Variants in KIF26A observed in about 807,000 individuals in gnomAD.
KIF26A encodes kinesin-like protein KIF26A.
KIF26A carries 74 observed loss-of-function variants against 126.0 expected under a neutral mutation model. The observed-to-expected ratio is 0.59, with a 90% CI of 0.49 to 0.71. The LOEUF (loss-of-function observed/expected upper bound fraction) is 0.71, where lower values mean the gene tolerates loss of function less well. KIF26A is among the 30% of genes least tolerant of loss of function. KIF26A has a pLI of 0.00. For synonymous variants in KIF26A, 1,445 were observed against 1,232.7 expected, an observed-to-expected ratio of 1.17 and a Z score of -3.61; for missense variants, 2,984 against 2,763.3, an observed-to-expected ratio of 1.08 and a Z score of -1.79.
rs866247449 is a variant in KIF26A, at chr14:104,165,458, C to T, written c.924-1401C>T. 3.2e-4 allele frequency among the ~76,000 whole-genome samples: 44 copies of T among 137,498 alleles called. 1 individual carries two copies. The highest frequency in any genetic ancestry group is 1.6e-3 in the South Asian group (7 of 4,330). The allele number at this position is 137,498 out of a possible 152,430, so 90.2% of individuals were successfully genotyped here. A position where few individuals can be genotyped will look rare whatever the true frequency, so the allele number is the denominator to read the frequency against. On this transcript the variant is annotated intron_variant, in intron 4 of 14. Transcript: ENST00000423312. ...CTGTCTCTGTGTGTGTTTCTGTATG[C>T]GTGTGTGTGTGGGCCTCTGTGTATG... is the stretch of plus-strand genomic sequence containing the variant.
chr14:104,139,231 G>C lies in KIF26A; in HGVS notation c.231G>C (p.Leu77=). 5 of 1,558,654 alleles carry C rather than the reference G, an allele frequency of 3.2e-6. No individual in the cohort carries two copies. The highest frequency in any genetic ancestry group is 4.3e-6 in the Non-Finnish European group (5 of 1,153,582). The change falls in exon 2 of 15, where the codon CTG becomes CTC. Residue 77 remains leucine, a synonymous_variant. Transcript: ENST00000423312. ...GGTGCCGCCACTGCCACACGAAGCT[G>C]GTGGAGCTCAAGCGACAGGCGTGGA... ...GGWCRHCHTK[L]VELKRQAWKL... is the part of the protein sequence containing the mutation.
At chr14:104,156,977 G>A (rs1007215725) in intron 3 of KIF26A, among the ~76,000 whole-genome samples, 3 of 152,128 alleles carry the variant, frequency 2.0e-5, no homozygotes, top group Non-Finnish European at 4.4e-5. Context: ...TGGGGCACTG[G>A]GCCCTTGGGG....
chr14:104,149,568 C>G (rs764654715), intron 2 of KIF26A, among the ~76,000 whole-genome samples: 3 of 151,952 alleles, frequency 2.0e-5, no homozygotes, highest in Non-Finnish European at 4.4e-5. Flanking sequence ...TGGGGCCTCC[C>G]TGGCAGCTGC....
rs769928735 is a variant in KIF26A at position 104,173,492 on chromosome 14, G to A, written c.1846G>A (p.Glu616Lys). ...FTLHVYQYRM[E>K]KCGRGGMSGG... ...GCTGCACGTCTACCAGTACCGCATGGAGAAGTGCGGCCGGGGAGGAAGTAG... is the reference window on the plus strand; with the variant it reads ...GCTGCACGTCTACCAGTACCGCATGAAGAAGTGCGGCCGGGGAGGAAGTAG... Residue 616 changes from glutamate to lysine, a missense_variant, in exon 9 of 15, where the codon GAG (glutamate) becomes AAG (lysine). By Grantham distance (56) the Glu-to-Lys change is moderately conservative (BLOSUM62 1). Coordinates refer to ENST00000423312, the MANE Select transcript of KIF26A (RefSeq NM_015656.2). The A allele has an allele frequency of 6.4e-7, 1 of 1,570,594 alleles. No individual in the cohort carries two copies. Among genetic ancestry groups the A allele is most frequent in the Non-Finnish European group, 8.7e-7 (1 of 1,154,296 alleles).
At chr14:104,143,160 G>A (rs2037651821) in intron 2 of KIF26A, among the ~76,000 whole-genome samples, 1 of 152,242 alleles carries the variant, frequency 6.6e-6, no homozygotes, top group African/African-American at 2.4e-5. Context: ...TGCATCTCTT[G>A]CTTATCCAGG....
Position 104,180,562 on chromosome 14 carries a change from C to T in KIF26A, c.*772C>T, listed in dbSNP as rs1191979703. On this transcript the variant is annotated 3_prime_UTR_variant, in exon 15 of 15. Coordinates refer to ENST00000423312, the MANE Select transcript of KIF26A (RefSeq NM_015656.2). ...GTTCATATTTTTATATCATTTTGCC[C>T]ATAAATGCGGAATTTGCCGTGGGAA... The T allele has an allele frequency of 1.3e-5, 2 of 152,690 alleles. No homozygotes were observed. Among genetic ancestry groups the T allele is most frequent in the East Asian group, 1.9e-4 (1 of 5,192 alleles). The allele number at this position is 152,690 out of a possible 1,614,324, so 9.5% of individuals were successfully genotyped here.
In KIF26A at chr14:104,161,802, C is replaced by T. The variant is rs116255172; in HGVS notation, c.923+3860C>T. On this transcript the variant is annotated intron_variant, in intron 4 of 14. Transcript: ENST00000423312. ...ATCTCAGGGCATCAGGGCAGGCTTC[C>T]TGGAGGAGGTGTCCTGTGAGGATGG... 8.2e-3 allele frequency among the ~76,000 whole-genome samples: 1,248 copies of T among 152,338 alleles called. 13 individuals are homozygous for T. Among genetic ancestry groups the T allele is most frequent in the African/African-American group, 0.027 (1,114 of 41,584 alleles).
At position 104,173,072 on chromosome 14, in the gene KIF26A, C is replaced by G. The variant is rs747086678; in HGVS notation, c.1516C>G (p.Arg506Gly). 3 of 1,605,236 alleles carry G rather than the reference C, an allele frequency of 1.9e-6. No individual in the cohort carries two copies. The highest frequency in any genetic ancestry group is 1.7e-6 in the Non-Finnish European group (2 of 1,176,808). Residue 506 changes from arginine (R) to glycine (G), a missense_variant, in exon 8 of 15, where the codon CGC becomes GGC. Transcript: ENST00000423312. ...CTGGCTCTTCAGGCTCATCGAGGAGCGCAGGGAGAGGACGGGCACCCGCTT... is the reference window on the plus strand; with the variant it reads ...CTGGCTCTTCAGGCTCATCGAGGAGGGCAGGGAGAGGACGGGCACCCGCTT... ...ISWLFRLIEE[R>G]RERTGTRFSV...
In KIF26A at chr14:104,179,611, G is replaced by C; in HGVS notation, c.5470G>C (p.Glu1824Gln). Residue 1824 changes from glutamate (E) to glutamine (Q), a missense_variant and splice_region_variant, in exon 15 of 15, where the codon GAG (glutamate) becomes CAG (glutamine). Physicochemically the swap from Glu to Gln is conservative, Grantham distance 29. Coordinates refer to ENST00000423312, the MANE Select transcript of KIF26A (RefSeq NM_015656.2). ...LEPGRWLEQF[E>Q]VDPELEPESA... ...CTCCCCTCTCCTCCCCTCCCCAGTT[G>C]AGGTGGACCCGGAGCTGGAGCCCGA... 6.6e-7 allele frequency: 1 copy of C among 1,524,550 alleles called. No homozygotes were observed. The highest frequency in any genetic ancestry group is 1.3e-5 in the South Asian group (1 of 79,564). 94.4% of individuals were successfully genotyped at this position (1,524,550 alleles called of 1,614,324 possible). A position where few individuals can be genotyped will look rare whatever the true frequency, so the allele number is the denominator to read the frequency against.
rs1419100082 is a variant in KIF26A, at chr14:104,152,258, G to C, written c.532G>C (p.Gly178Arg). The C allele has an allele frequency of 2.5e-6, 4 of 1,594,364 alleles. No homozygotes were observed. Among genetic ancestry groups the C allele is most frequent in the Non-Finnish European group, 3.4e-6 (4 of 1,172,766 alleles). Residue 178 changes from glycine (G) to arginine (R), a missense_variant, in exon 3 of 15, where the codon GGT (glycine) becomes CGT (arginine). Coordinates refer to ENST00000423312, the MANE Select transcript of KIF26A (RefSeq NM_015656.2). This position sits in a 1 kb window ranked among gnomAD's most constrained non-coding sequence, Gnocchi z 5.9. The part of the protein sequence containing the change: ...TSSRDTPGPA[G>R]PAGRQPGRAG... ...CTCGAGGGACACGCCAGGACCAGCG[G>C]GTCCTGCAGGGAGGCAGCCAGGACG...
Position 104,177,933 on chromosome 14 carries a change from C to T in KIF26A, c.5110+35C>T, listed in dbSNP as rs115516290. 8.0e-4 allele frequency: 1,173 copies of T among 1,464,152 alleles called. 7 individuals carry two copies. The African/African-American group carries it at 0.012, about 16-fold the overall frequency. 90.7% of individuals were successfully genotyped at this position (1,464,152 alleles called of 1,614,324 possible). A position where few individuals can be genotyped will look rare whatever the true frequency, so the allele number is the denominator to read the frequency against. On this transcript the variant is annotated intron_variant, in intron 12 of 14. Transcript: ENST00000423312. ...GAGGTGCACAGCCCTCTACAGTTTACGGGCTTTCTGTGTGTAGATGTGCAC... is the reference window on the plus strand; with the variant it reads ...GAGGTGCACAGCCCTCTACAGTTTATGGGCTTTCTGTGTGTAGATGTGCAC...
chr14:104,168,844 C>T (rs1178158089), intron 5 of KIF26A, among the ~76,000 whole-genome samples: 1 of 152,084 alleles, frequency 6.6e-6, no homozygotes, highest in Non-Finnish European at 1.5e-5. Context: ...GGGCAAGGCC[C>T]CTGCCTGGGG....
In KIF26A at chr14:104,175,858, G is replaced by T. The variant is rs1460943165; in HGVS notation, c.3070G>T (p.Val1024Leu). The stretch of plus-strand genomic sequence containing the variant: ...CACCACAGTGACCCTGCAGCGGCCA[G>T]TGGAGCTCAACGGCGAGGACGAGCT... The part of the protein sequence containing the change: ...LTTTVTLQRP[V>L]ELNGEDELVF... Residue 1024 changes from valine to leucine, a missense_variant, in exon 12 of 15, where the codon GTG (valine) becomes TTG (leucine). By Grantham distance (32) the Val-to-Leu change is conservative. Transcript: ENST00000423312. 1 of 1,539,674 alleles carries T rather than the reference G, an allele frequency of 6.5e-7. No individual in the cohort carries two copies. The highest frequency in any genetic ancestry group is 8.7e-7 in the Non-Finnish European group (1 of 1,147,670).
In KIF26A at chr14:104,166,839, C is replaced by A. The variant is rs754795976; in HGVS notation, c.924-20C>A. Reference sequence around the variant, plus strand: ...CTGCTGTCACCCACCACTGATCCTGCCTCTGCCTCTCCTCCCCAGGGCTAT... The same window carrying A: ...CTGCTGTCACCCACCACTGATCCTGACTCTGCCTCTCCTCCCCAGGGCTAT... On this transcript the variant is annotated intron_variant, in intron 4 of 14. Coordinates refer to ENST00000423312, the MANE Select transcript of KIF26A (RefSeq NM_015656.2). 14 of 1,538,198 alleles carry A rather than the reference C, an allele frequency of 9.1e-6. No individual in the cohort carries two copies. The South Asian group carries it at 1.7e-4, about 19-fold the overall frequency.
Position 104,177,678 on chromosome 14 carries a change from C to A in KIF26A, c.4890C>A (p.Gly1630=). 1 of 1,529,660 alleles carries A rather than the reference C, an allele frequency of 6.5e-7. No homozygotes were observed. The highest frequency in any genetic ancestry group is 8.7e-7 in the Non-Finnish European group (1 of 1,143,030). 94.8% of individuals were successfully genotyped at this position (1,529,660 alleles called of 1,614,324 possible). A position where few individuals can be genotyped will look rare whatever the true frequency, so the allele number is the denominator to read the frequency against. Residue 1630 remains glycine (G), a synonymous_variant, in exon 12 of 15, where the codon GGC becomes GGA. Coordinates refer to ENST00000423312, the MANE Select transcript of KIF26A (RefSeq NM_015656.2). ...CCCAGCGCTACAGCAGCGGCCATGG[C>A]AGCGACAACAGCAGCGTGCTGAGTG... The part of the protein sequence containing the change: ...RRPQRYSSGH[G]SDNSSVLSGE...
chr14:104,176,309 G>T lies in KIF26A; in HGVS notation c.3521G>T (p.Gly1174Val), dbSNP rs754464429. The T allele has an allele frequency of 6.3e-7, 1 of 1,585,428 alleles. No homozygotes were observed. The highest frequency in any genetic ancestry group is 1.1e-5 in the South Asian group (1 of 88,134). The change falls in exon 12 of 15, where the codon GGT (glycine) becomes GTT (valine). Residue 1174 changes from glycine to valine, a missense_variant. By Grantham distance (109) the Gly-to-Val change is moderately radical. Transcript: ENST00000423312. The stretch of plus-strand genomic sequence containing the variant: ...CCTGACAGTCCTGGGCCAACCTGGG[G>T]TCCGTGCCCTGGGGAAGTGGCTGCA... ...DRPDSPGPTW[G>V]PCPGEVAAVA...
Position 104,174,157 on chromosome 14 carries a change from G to T in KIF26A, c.2040G>T (p.Arg680Ser). 1 of 1,575,084 alleles carries T rather than the reference G, an allele frequency of 6.3e-7. No individual in the cohort carries two copies. The change falls in exon 11 of 15, where the codon AGG (arginine) becomes AGT (serine). Residue 680 changes from arginine to serine, a missense_variant. Physicochemically the swap from Arg to Ser is moderately radical, Grantham distance 110 (BLOSUM62 -1). Transcript: ENST00000423312. ...CCGCCTCGACCCGCAGGGACCACAG[G>T]CTCACCATGCTGCTGCGTGAATCCC... is the stretch of plus-strand genomic sequence containing the variant. ...GAKHVPYRDH[R>S]LTMLLRESLA...
At chr14:104,157,306 A>G (rs1171953876) in intron 3 of KIF26A, among the ~76,000 whole-genome samples, 2 of 152,124 alleles carry the variant, frequency 1.3e-5, no homozygotes, top group Non-Finnish European at 2.9e-5. Flanking sequence ...TTCCTGCCAA[A>G]TAGTTATCGT....
rs375395058 is a variant in KIF26A at position 104,157,993 on chromosome 14, C to T, written c.923+51C>T. ...CCTTGTGGGCAGGGCCCCATGGCCC[C>T]GGCTGTGGGCCCCTGGGGACCTATG... On this transcript the variant is annotated intron_variant, in intron 4 of 14. Coordinates refer to ENST00000423312, the MANE Select transcript of KIF26A (RefSeq NM_015656.2). 505 of 1,442,544 alleles carry T rather than the reference C, an allele frequency of 3.5e-4. 1 individual carries two copies. In the African/African-American group the frequency reaches 5.9e-3, roughly 17 times the overall value. 89.4% of individuals were successfully genotyped at this position (1,442,544 alleles called of 1,614,324 possible).
Sources: gnomAD v4.1 joint callset for allele counts (sites outside exome capture counted in the v4.1 genomes callset) on GRCh38, gnomAD v4.1.1 for gene constraint, Gnocchi (gnomAD v3.1) non-coding constraint, MANE v1.5 for transcripts, NCBI Gene and HGNC (gene_info 2026-07-23, HGNC 2026-07-21) for gene names.